Variants in RNF2 observed in about 807,000 individuals in gnomAD.
RNF2 encodes the protein ring finger protein 2.
Under a neutral mutation model 37.2 loss-of-function variants are expected in RNF2, and 6 were observed. The observed-to-expected ratio is 0.16, with a 90% CI of 0.09 to 0.32. The LOEUF (loss-of-function observed/expected upper bound fraction) is 0.32, where lower values mean the gene tolerates loss of function less well. Among genes scored for constraint, RNF2 ranks in the 10% least tolerant of loss-of-function variants. RNF2 has a pLI of 1.00. For synonymous variants in RNF2, 133 were observed against 132.7 expected, an observed-to-expected ratio of 1.00 and a Z score of -0.02; for missense variants, 251 against 404.0, an observed-to-expected ratio of 0.62 and a Z score of 3.25.
intron 4 of RNF2, among the ~76,000 whole-genome samples, 183 bp downstream of exon 4, chr1:185,093,459 T>C (rs1175230513): frequency 6.6e-6 from 1 of 152,202 alleles, no homozygotes; most frequent in Non-Finnish European, 1.5e-5. Context: ...TACTAGAATC[T>C]CTGTTTTACT....
chr1:185,070,677 C>T (rs1650943129), intron 1 of RNF2, among the ~76,000 whole-genome samples: 1 of 137,718 alleles, frequency 7.3e-6, no homozygotes, highest in Admixed American at 7.9e-5. Flanking sequence ...CTTGCTGTGT[C>T]ACCCAGGCTG....
At chr1:185,079,659 G>A (rs1026738318) in intron 1 of RNF2, among the ~76,000 whole-genome samples, 1 of 152,162 alleles carries the variant, frequency 6.6e-6, no homozygotes, top group South Asian at 2.1e-4. Flanking sequence ...GCTGCTTGTG[G>A]TGGCTCACGC....
At chr1:185,050,396 T>G (rs1251082267) in intron 1 of RNF2, among the ~76,000 whole-genome samples, 1 of 152,258 alleles carries the variant, frequency 6.6e-6, no homozygotes, top group Admixed American at 6.5e-5. Flanking sequence ...CTATCCTGAT[T>G]AAATCCAATT....
At chr1:185,070,638 CT>C (rs893631238) in intron 1 of RNF2, among the ~76,000 whole-genome samples, 1,981 of 129,700 alleles carry the variant, frequency 0.015, 31 homozygotes, top group East Asian at 0.14. Context: ...ATTTTCTTTT[CT>C]TTTTTTTTTT....
At chr1:185,062,415 C>A (rs1330007237) in intron 1 of RNF2, among the ~76,000 whole-genome samples, 2 of 151,708 alleles carry the variant, frequency 1.3e-5, no homozygotes, top group Non-Finnish European at 2.9e-5. Flanking sequence ...TCTCTTTTCC[C>A]ATCTTTGTCA....
intron 4 of RNF2, among the ~76,000 whole-genome samples, chr1:185,093,932 A>G (rs997145590): frequency 3.3e-5 from 5 of 152,126 alleles, no homozygotes; most frequent in Admixed American, 1.3e-4. Flanking sequence ...TACCATCTGT[A>G]TGCTGATGAC....
At chr1:185,096,314 T>C (rs567082424) in intron 4 of RNF2, among the ~76,000 whole-genome samples, 2 of 152,336 alleles carry the variant, frequency 1.3e-5, no homozygotes, top group South Asian at 4.1e-4. Flanking sequence ...AGTTCAGTAG[T>C]GTTAAGTACA....
At chr1:185,078,442 A>G (rs1339373644) in intron 1 of RNF2, among the ~76,000 whole-genome samples, 5 of 151,908 alleles carry the variant, frequency 3.3e-5, no homozygotes, top group African/African-American at 9.7e-5. Flanking sequence ...CTTCTCTAAT[A>G]TGTCTATTTT....
chr1:185,051,945 C>G (rs1426994041), intron 1 of RNF2, among the ~76,000 whole-genome samples: 2 of 144,478 alleles, frequency 1.4e-5, no homozygotes, highest in Non-Finnish European at 3.0e-5. Context: ...ATTATATATA[C>G]ATTTTTACAT....
At chr1:185,063,448 G>A (rs1650671086) in intron 1 of RNF2, among the ~76,000 whole-genome samples, 1 of 152,150 alleles carries the variant, frequency 6.6e-6, no homozygotes, top group Non-Finnish European at 1.5e-5. Flanking sequence ...CTTTTCCTGT[G>A]AGTGCATTTA....
rs1254512403 is a variant in RNF2 at position 185,052,443 on chromosome 1, GC to G, written c.-3+6796del. 2.6e-5 allele frequency among the ~76,000 whole-genome samples: 4 copies of G among 152,320 alleles called. No individual in the cohort carries two copies. In the East Asian group the frequency reaches 7.7e-4, roughly 29 times the overall value. ...CAATGTGGATGAACCTTGAAAATAT[GC>G]CAAGTGAATGAAACCAGCCACAAAA... On this transcript the variant is annotated intron_variant, in intron 1 of 6. Coordinates refer to ENST00000367510, the MANE Select transcript of RNF2 (RefSeq NM_007212.4).
chr1:185,094,573 A>G (rs960608506), intron 4 of RNF2, among the ~76,000 whole-genome samples: 11 of 152,176 alleles, frequency 7.2e-5, no homozygotes, highest in African/African-American at 2.4e-4. Flanking sequence ...GTATTGAAGT[A>G]AGTTCCCAAC....
At chr1:185,100,165 A>G (rs1466284763) in intron 6 of RNF2, 35 bp from the exon 7 acceptor site, 6 of 1,478,026 alleles carry the variant, frequency 4.1e-6, no homozygotes, top group Admixed American at 2.1e-5. Flanking sequence ...TGGTTTGTGC[A>G]GTTTTCATAA....
intron 1 of RNF2, among the ~76,000 whole-genome samples, chr1:185,057,374 T>C (rs1650464870): frequency 6.6e-6 from 1 of 152,236 alleles, no homozygotes; most frequent in South Asian, 2.1e-4. Flanking sequence ...TTTGTTAACA[T>C]TTTTAATGAT....
chr1:185,078,112 T>C (rs1349741392), intron 1 of RNF2, among the ~76,000 whole-genome samples: 1 of 151,926 alleles, frequency 6.6e-6, no homozygotes, highest in African/African-American at 2.4e-5. Context: ...CCAGGTGTAG[T>C]GGTGTGTGCC....
intron 1 of RNF2, 76 bp from the exon 2 acceptor site, chr1:185,087,476 G>A: frequency 8.2e-7 from 1 of 1,214,932 alleles, no homozygotes; most frequent in South Asian, 1.3e-5. Context: ...AGGAATTTTG[G>A]TGGGACACAT....
At chr1:185,055,572 G>A (rs1650409171) in intron 1 of RNF2, among the ~76,000 whole-genome samples, 1 of 152,032 alleles carries the variant, frequency 6.6e-6, no homozygotes. Context: ...GCGCCACCAC[G>A]CCCAGCTAAT....
At chr1:185,091,818 CTTTT>C (rs201420664) in intron 3 of RNF2, 79 bp downstream of exon 3, 62 of 1,056,116 alleles carry the variant, frequency 5.9e-5, no homozygotes, top group East Asian at 2.1e-4. Flanking sequence ...AATACATTTT[CTTTT>C]TTTTTTTTTT....
chr1:185,098,436 T>C (rs1571329474), intron 5 of RNF2, 92 bp downstream of exon 5: 2 of 1,414,876 alleles, frequency 1.4e-6, no homozygotes, highest in East Asian at 4.6e-5. Context: ...GGAGCAATAT[T>C]TGTCATCCCA....
Sources: gnomAD v4.1 joint callset for allele counts (sites outside exome capture counted in the v4.1 genomes callset) on GRCh38, gnomAD v4.1.1 for gene constraint, MANE v1.5 for transcripts, NCBI Gene and HGNC (gene_info 2026-07-23, HGNC 2026-07-21) for gene names.